The following NPHP4 variants were observed in gnomAD, a reference collection of about 807,000 sequenced individuals.
The protein encoded by NPHP4 is nephrocystin 4.
NPHP4 carries 151 observed loss-of-function variants against 155.8 expected under a neutral mutation model. The observed-to-expected ratio is 0.97, with a 90% CI of 0.85 to 1.11. NPHP4 has a LOEUF of 1.11. Ranked by LOEUF, NPHP4 falls within the 50% of genes least tolerant of loss-of-function variation. NPHP4 has a pLI of 0.00. For missense variants in NPHP4, 1,956 were observed against 1,925.7 expected, an observed-to-expected ratio of 1.02 and a Z score of -0.29; for synonymous variants, 845 against 816.8, an observed-to-expected ratio of 1.03 and a Z score of -0.59.
chr1:5,959,243 G>A (rs899146037), intron 6 of NPHP4, among the ~76,000 whole-genome samples: 1 of 152,178 alleles, frequency 6.6e-6, no homozygotes, highest in African/African-American at 2.4e-5. Context: ...CAATGTTCTA[G>A]GCACTGCCAG....
intron 18 of NPHP4, among the ~76,000 whole-genome samples, chr1:5,885,867 G>A (rs778058386): frequency 5.9e-5 from 9 of 152,186 alleles, no homozygotes; most frequent in Non-Finnish European, 1.0e-4. Flanking sequence ...AGCCAGGCTC[G>A]CTGCACTGAT....
At chr1:5,899,585 T>A (rs1327405081) in intron 16 of NPHP4, among the ~76,000 whole-genome samples, 1 of 152,216 alleles carries the variant, frequency 6.6e-6, no homozygotes, top group Non-Finnish European at 1.5e-5. Context: ...GTTCACTTGG[T>A]AAAATTTATA....
rs529802263 is a variant in NPHP4 at position 5,867,416 on chromosome 1, G to A, written c.3473-301C>T. The A allele has an allele frequency of 9.1e-6, 5 of 551,478 alleles. No individual in the cohort carries two copies. Among genetic ancestry groups the A allele is most frequent in the African/African-American group, 5.6e-5 (3 of 53,146 alleles). 34.2% of individuals were successfully genotyped at this position (551,478 alleles called of 1,614,324 possible). A position where few individuals can be genotyped will look rare whatever the true frequency, so the allele number is the denominator to read the frequency against. On this transcript the variant is annotated intron_variant, in intron 24 of 29. Transcript: ENST00000378156. This position sits in a 1 kb window ranked among gnomAD's most constrained non-coding sequence, Gnocchi z 4.1. The stretch of plus-strand genomic sequence containing the variant: ...GGAGCAGGGAAGCCTGCACTCTGCT[G>A]TAAGGGGCACCTACCAGAAACACGC...
At chr1:5,934,807 C>T (rs1423278167) in intron 9 of NPHP4, among the ~76,000 whole-genome samples, 1 of 152,178 alleles carries the variant, frequency 6.6e-6, no homozygotes, top group Non-Finnish European at 1.5e-5. Flanking sequence ...GCACAGCATC[C>T]ACCAGGAACA....
chr1:5,985,888 C>T (rs912423147), intron 2 of NPHP4, among the ~76,000 whole-genome samples: 2 of 152,206 alleles, frequency 1.3e-5, no homozygotes, highest in Admixed American at 6.5e-5. Context: ...GGCCCAGCTT[C>T]AACATGGTCA....
intron 11 of NPHP4, among the ~76,000 whole-genome samples, chr1:5,915,202 A>AGGCCTTGGGCCTTGGGCCTTG (rs762674764): frequency 6.6e-6 from 1 of 151,954 alleles, no homozygotes; most frequent in African/African-American, 2.4e-5. Flanking sequence ...GGGACGGGCC[A>AGGCCTTGGGCCTTGGGCCTTG]GGCCTTGGGC....
chr1:5,868,348 G>A (rs1249815401), intron 23 of NPHP4: 53 of 274,930 alleles, frequency 1.9e-4, no homozygotes, highest in Non-Finnish European at 9.3e-5. Context: ...GATTCCAGAT[G>A]GCAAAAAGAG....
At chr1:5,939,831 G>A (rs1646732913) in intron 9 of NPHP4, among the ~76,000 whole-genome samples, 1 of 152,208 alleles carries the variant, frequency 6.6e-6, no homozygotes, top group African/African-American at 2.4e-5. Context: ...AAGGAACTTG[G>A]GAGCAAGAAG....
At chr1:5,957,932 C>T (rs12132390) in intron 6 of NPHP4, among the ~76,000 whole-genome samples, 6,374 of 152,270 alleles carry the variant, frequency 0.042, 189 homozygotes, top group African/African-American at 0.086. Flanking sequence ...CAAGAGAGAC[C>T]TATGACCTCC....
At position 5,912,555 on chromosome 1, in the gene NPHP4, AG is replaced by A. The variant is rs869299318; in HGVS notation, c.1442-3343del. Among the ~76,000 whole-genome samples, 180 of 100,924 alleles carry A rather than the reference AG, an allele frequency of 1.8e-3. 1 individual carries two copies. The highest frequency in any genetic ancestry group is 8.4e-3 in the African/African-American group (172 of 20,486). The allele number at this position is 100,924 out of a possible 152,430, so 66.2% of individuals were successfully genotyped here. On this transcript the variant is annotated intron_variant, in intron 11 of 29. Coordinates refer to ENST00000378156, the MANE Select transcript of NPHP4 (RefSeq NM_015102.5). ...TCCGTCTCAAAAAAAAAAAAAAAAA[AG>A]AAAAAAGAAAAAAGAAAAATGAAAG...
chr1:5,961,957 A>C lies in NPHP4; in HGVS notation c.518-8T>G. On this transcript the variant is annotated splice_polypyrimidine_tract_variant and splice_region_variant and intron_variant, in intron 5 of 29. Transcript: ENST00000378156. Reference sequence around the variant, plus strand: ...GGGTCATGTGTCTGTTTTCTGGTGAAGAAAACACAATGTGATCAACTGATA... The same window carrying C: ...GGGTCATGTGTCTGTTTTCTGGTGACGAAAACACAATGTGATCAACTGATA... 2 of 1,591,264 alleles carry C rather than the reference A, an allele frequency of 1.3e-6. No homozygotes were observed. Among genetic ancestry groups the C allele is most frequent in the Non-Finnish European group, 1.7e-6 (2 of 1,161,076 alleles).
At chr1:5,985,383 C>T (rs150906564) in intron 2 of NPHP4, among the ~76,000 whole-genome samples, 19 of 152,362 alleles carry the variant, frequency 1.2e-4, no homozygotes, top group Non-Finnish European at 2.2e-4. Context: ...GCAGGTTCCC[C>T]GCCAGCTGAA....
At chr1:5,870,458 A>C (rs1293648695) in intron 23 of NPHP4, among the ~76,000 whole-genome samples, 1 of 152,194 alleles carries the variant, frequency 6.6e-6, no homozygotes, top group Admixed American at 6.5e-5. Context: ...ATGGAATTGG[A>C]AAATCCATGG....
chr1:5,957,100 C>T (rs955409994), intron 6 of NPHP4, among the ~76,000 whole-genome samples: 74 of 152,240 alleles, frequency 4.9e-4, no homozygotes, highest in African/African-American at 1.7e-3. Context: ...GTGACCCCCA[C>T]TGCAGCAGAG....
chr1:5,935,340 A>T (rs373345178), intron 9 of NPHP4, among the ~76,000 whole-genome samples: 5 of 152,310 alleles, frequency 3.3e-5, no homozygotes, highest in African/African-American at 1.2e-4. Flanking sequence ...TCACAGGGTG[A>T]GCGGGGATTT....
intron 19 of NPHP4, 81 bp from the exon 20 acceptor site, chr1:5,877,379 G>A: frequency 8.3e-7 from 1 of 1,212,100 alleles, no homozygotes; most frequent in South Asian, 1.6e-5. Context: ...GGCCTCCCAG[G>A]ACCACCTATA....
At chr1:5,874,009 A>G (rs943259141) in intron 22 of NPHP4, among the ~76,000 whole-genome samples, 2 of 151,788 alleles carry the variant, frequency 1.3e-5, no homozygotes, top group African/African-American at 4.8e-5. Flanking sequence ...CATCCTGCAC[A>G]CATACCTCTT....
chr1:5,863,220 C>G lies in NPHP4; in HGVS notation c.*45G>C. ...GCCTGCAGGGCAGGAGGGGCACAGA[C>G]AGGCCCCAGCTGGGTGCCGCAGGAA... On this transcript the variant is annotated 3_prime_UTR_variant, in exon 30 of 30. Transcript: ENST00000378156. 1 of 1,609,934 alleles carries G rather than the reference C, an allele frequency of 6.2e-7. No homozygotes were observed. Among genetic ancestry groups the G allele is most frequent in the Non-Finnish European group, 8.5e-7 (1 of 1,176,372 alleles).
At chr1:5,960,610 T>C (rs1650130938) in intron 6 of NPHP4, among the ~76,000 whole-genome samples, 1 of 151,980 alleles carries the variant, frequency 6.6e-6, no homozygotes, top group South Asian at 2.1e-4. Flanking sequence ...GAGGTTCTGG[T>C]GGTGCCAGGA....
Sources: allele counts gnomAD v4.1 joint callset (sites outside exome capture counted in the v4.1 genomes callset), GRCh38; gene constraint gnomAD v4.1.1; non-coding constraint Gnocchi (gnomAD v3.1); transcripts MANE v1.5; gene names NCBI Gene and HGNC (gene_info 2026-07-23, HGNC 2026-07-21).